INSL6: variants seen among roughly 807,000 people sequenced by gnomAD.
The protein encoded by INSL6 is insulin-like peptide INSL6.
A neutral mutation model predicts 9.4 loss-of-function variants in INSL6; 16 were observed. That is an observed-to-expected ratio of 1.70 (90% CI 1.15 to 2.59). The LOEUF (loss-of-function observed/expected upper bound fraction) is 2.59. Ranked by LOEUF, INSL6 falls within the 30% of genes most tolerant of loss-of-function variation. The probability of loss-of-function intolerance (pLI) is 0.00; values close to 1 mark genes in which losing one functional copy is unlikely to be tolerated. For missense variants in INSL6, 391 were observed against 257.3 expected, an observed-to-expected ratio of 1.52 and a Z score of -3.56; for synonymous variants, 154 against 96.9, an observed-to-expected ratio of 1.59 and a Z score of -3.46.
chr9:5,116,297 C>T, the INSL6 span, among the ~76,000 whole-genome samples: 1 of 152,176 alleles, frequency 6.6e-6, no homozygotes, highest in Non-Finnish European at 1.5e-5. Flanking sequence ...GCCTTCCTAA[C>T]CATGATAATG....
the INSL6 span, among the ~76,000 whole-genome samples, chr9:5,045,371 T>C: frequency 6.6e-6 from 1 of 152,202 alleles, no homozygotes; most frequent in South Asian, 2.1e-4. Context: ...CATTTCTCTA[T>C]TGGGGTATGA....
At chr9:5,125,561 A>T (rs1047866925) in intron 3 of INSL6, among the ~76,000 whole-genome samples, 2 of 151,510 alleles carry the variant, frequency 1.3e-5, no homozygotes, top group East Asian at 1.9e-4. Flanking sequence ...CTATTTTAAA[A>T]TTTTTTTAAT....
chr9:5,037,465 C>G, the INSL6 span, among the ~76,000 whole-genome samples: 1 of 152,132 alleles, frequency 6.6e-6, no homozygotes, highest in Non-Finnish European at 1.5e-5. Flanking sequence ...GCTAGATGTC[C>G]AACAATGATA....
At chr9:5,000,844 G>C in the INSL6 span, among the ~76,000 whole-genome samples, 2 of 152,284 alleles carry the variant, frequency 1.3e-5, no homozygotes, top group South Asian at 4.1e-4. Flanking sequence ...TATCAGGTAA[G>C]AACTTGATAA....
the INSL6 span, chr9:5,112,748 C>A: frequency 2.9e-6 from 2 of 686,844 alleles, no homozygotes; most frequent in Non-Finnish European, 4.5e-6. Context: ...TTTGAAACGG[C>A]GAGAAGAGAA....
At chr9:5,042,827 C>T in the INSL6 span, among the ~76,000 whole-genome samples, 14 of 152,214 alleles carry the variant, frequency 9.2e-5, no homozygotes, top group Non-Finnish European at 5.9e-5. Context: ...CTGAAGCCAG[C>T]CCCGCAACCA....
the INSL6 span, among the ~76,000 whole-genome samples, chr9:5,107,129 A>T: frequency 6.6e-6 from 1 of 152,126 alleles, no homozygotes; most frequent in Non-Finnish European, 1.5e-5. Context: ...CTATTCTTAT[A>T]TGTCTCTATC....
At chr9:5,098,938 C>G in the INSL6 span, 1 of 152,184 alleles carries the variant, frequency 6.6e-6, no homozygotes, top group African/African-American at 2.4e-5. Flanking sequence ...TTGTGTTCCA[C>G]CCACTTCAGC....
At position 5,153,085 on chromosome 9, in the gene INSL6, CA is replaced by C. The variant is rs1397395624; in HGVS notation, c.376+11093del. Among the ~76,000 whole-genome samples, 5 of 152,056 alleles carry C rather than the reference CA, an allele frequency of 3.3e-5. No individual in the cohort carries two copies. The East Asian group carries it at 5.8e-4, about 18-fold the overall frequency. ...TTCCAGTGCCTACACCACCAGGGCC[CA>C]GGGTTTCCAGCACAAAACTGGCCAG... On this transcript the variant is annotated intron_variant, in intron 2 of 3. Coordinates refer to the INSL6 transcript ENST00000649639.
At chr9:5,172,652 G>C (rs1053698880) in intron 1 of INSL6, among the ~76,000 whole-genome samples, 7 of 152,170 alleles carry the variant, frequency 4.6e-5, no homozygotes, top group Admixed American at 2.0e-4. Flanking sequence ...GGCCAGGCCA[G>C]GTGCAGTGGC....
the INSL6 span, among the ~76,000 whole-genome samples, chr9:5,092,567 C>G: frequency 6.6e-6 from 1 of 152,102 alleles, no homozygotes. Context: ...AATAGAAATT[C>G]TTATCTTGGC....
chr9:5,067,066 AT>A, the INSL6 span, among the ~76,000 whole-genome samples: 1 of 152,112 alleles, frequency 6.6e-6, no homozygotes, highest in African/African-American at 2.4e-5. Context: ...GTTAAAAGGT[AT>A]TTCATCAAGT....
the INSL6 span, chr9:5,080,252 G>A: frequency 6.2e-7 from 1 of 1,612,530 alleles, no homozygotes; most frequent in Admixed American, 1.7e-5. Context: ...AATACCATGG[G>A]TACCACCTGA....
At chr9:5,139,088 A>G (rs1471549334) in intron 2 of INSL6, among the ~76,000 whole-genome samples, 3 of 152,186 alleles carry the variant, frequency 2.0e-5, no homozygotes, top group Non-Finnish European at 4.4e-5. Context: ...ATTTTTGAGA[A>G]ATAGGAAAGA....
the INSL6 span, among the ~76,000 whole-genome samples, chr9:5,078,042 C>T: frequency 6.6e-6 from 1 of 152,250 alleles, no homozygotes; most frequent in African/African-American, 2.4e-5. Context: ...GAAACACAAA[C>T]CATGTCAGCC....
At chr9:5,080,461 C>A in the INSL6 span, 1 of 1,525,780 alleles carries the variant, frequency 6.6e-7, no homozygotes, top group Admixed American at 2.1e-5. Context: ...TTTTTTAGCC[C>A]ATCTAATTTT....
intron 1 of INSL6, among the ~76,000 whole-genome samples, chr9:5,175,848 G>T (rs931878312): frequency 3.9e-5 from 6 of 151,992 alleles, no homozygotes; most frequent in Non-Finnish European, 8.8e-5. Flanking sequence ...CAAGCTCAGG[G>T]CTCCCACTGA....
intron 2 of INSL6, among the ~76,000 whole-genome samples, chr9:5,158,813 CA>C (rs1384234494): frequency 6.6e-6 from 1 of 151,998 alleles, no homozygotes; most frequent in Non-Finnish European, 1.5e-5. Context: ...GAACATACAA[CA>C]CTAACTGGTA....
chr9:5,032,308 C>A, the INSL6 span, among the ~76,000 whole-genome samples: 21 of 152,374 alleles, frequency 1.4e-4, no homozygotes, highest in African/African-American at 4.8e-4. Flanking sequence ...CCTCTGTAGA[C>A]TCCACCTCTG....
Sources: gnomAD v4.1 joint callset for allele counts (sites outside exome capture counted in the v4.1 genomes callset) on GRCh38, gnomAD v4.1.1 for gene constraint, MANE v1.5 for transcripts, NCBI Gene and HGNC (gene_info 2026-07-23, HGNC 2026-07-21) for gene names.